Variants in KATNAL1 observed in about 807,000 individuals in gnomAD.
KATNAL1 encodes katanin catalytic subunit A1 like 1.
In KATNAL1, 32 loss-of-function variants were observed where a neutral mutation model predicts 55.2. That is an observed-to-expected ratio of 0.58 (90% CI 0.44 to 0.78). KATNAL1 has a LOEUF of 0.78. KATNAL1 is among the 30% of genes least tolerant of loss of function. KATNAL1 has a pLI of 0.00. For missense variants in KATNAL1, 466 were observed against 600.9 expected, an observed-to-expected ratio of 0.78 and a Z score of 2.35; for synonymous variants, 193 against 193.6, an observed-to-expected ratio of 1.00 and a Z score of 0.02.
intron 9 of KATNAL1, among the ~76,000 whole-genome samples, chr13:30,223,341 C>T (rs1875099474): frequency 6.9e-6 from 1 of 144,954 alleles, no homozygotes. Context: ...ACTCGGGAGG[C>T]TGAGGCAGGA....
chr13:30,294,799 A>C lies in KATNAL1; in HGVS notation c.-14-11008T>G, dbSNP rs151178280. The stretch of plus-strand genomic sequence containing the variant: ...TGGCTCTCGTGTCAGGGGCTGATTT[A>C]GCTGACGACTTGAAGTTGAAGCCAA... On this transcript the variant is annotated intron_variant, in intron 1 of 10. Transcript: ENST00000380615. 8.5e-5 allele frequency among the ~76,000 whole-genome samples: 13 copies of C among 152,326 alleles called. No homozygotes were observed. The East Asian group carries it at 2.5e-3, about 29-fold the overall frequency.
Position 30,246,935 on chromosome 13 carries a change from G to A in KATNAL1, c.493-5849C>T, listed in dbSNP as rs988842531. Among the ~76,000 whole-genome samples the A allele has an allele frequency of 3.3e-5, 5 of 152,210 alleles. No individual in the cohort carries two copies. The East Asian group carries it at 9.6e-4, about 29-fold the overall frequency. ...ATCTGTGTTAGTTCCCCACTTTCAT[G>A]TTACAATGATAACTAAAACTCATAT... On this transcript the variant is annotated intron_variant, in intron 4 of 10. Coordinates refer to ENST00000380615, the MANE Select transcript of KATNAL1 (RefSeq NM_032116.5).
At chr13:30,281,774 T>C (rs1295207939) in intron 2 of KATNAL1, 3 of 152,212 alleles carry the variant, frequency 2.0e-5, no homozygotes, top group Non-Finnish European at 4.4e-5. Flanking sequence ...AGTGTCTGCA[T>C]TGGCAGCACA....
At chr13:30,222,102 T>C (rs533972816) in intron 9 of KATNAL1, among the ~76,000 whole-genome samples, 1 of 152,152 alleles carries the variant, frequency 6.6e-6, no homozygotes, top group Admixed American at 6.5e-5. Context: ...TGTGAACATG[T>C]TTTTCAATGA....
chr13:30,271,847 A>C (rs951529464), intron 3 of KATNAL1, among the ~76,000 whole-genome samples: 5 of 150,620 alleles, frequency 3.3e-5, no homozygotes, highest in East Asian at 2.0e-4. Flanking sequence ...GAAGAGATAA[A>C]AGAAGCTGCA....
chr13:30,247,063 A>G (rs1412314179), intron 4 of KATNAL1, among the ~76,000 whole-genome samples: 3 of 152,256 alleles, frequency 2.0e-5, no homozygotes, highest in East Asian at 3.9e-4. Context: ...TATTATTTCC[A>G]TCTCATAGAT....
rs1456687624 is a variant in KATNAL1, at chr13:30,241,372, C to T, written c.493-286G>A. ...GATCCCAAAAGACTGGGAAAGCCTA[C>T]CTTTGAACTGGTAGACGCAGAGGAT... On this transcript the variant is annotated intron_variant, in intron 4 of 10. Transcript: ENST00000380615. 2.0e-5 allele frequency among the ~76,000 whole-genome samples: 3 copies of T among 152,150 alleles called. No homozygotes were observed. The East Asian group carries it at 5.8e-4, about 29-fold the overall frequency.
chr13:30,212,153 G>T (rs113907450), intron 9 of KATNAL1, among the ~76,000 whole-genome samples: 59 of 149,330 alleles, frequency 4.0e-4, no homozygotes, highest in African/African-American at 1.4e-3. Flanking sequence ...GTATTCTCAA[G>T]ACATATATTC....
rs369909052 is a variant in KATNAL1, at chr13:30,272,657, A to G, written c.323+7406T>C. The stretch of plus-strand genomic sequence containing the variant: ...CTTTTCTGTAACATTAAAAAAAAAG[A>G]CAGAAATGCCAAGTTTTTAGGCACT... On this transcript the variant is annotated intron_variant, in intron 3 of 10. Coordinates refer to ENST00000380615, the MANE Select transcript of KATNAL1 (RefSeq NM_032116.5). 3.5e-3 allele frequency among the ~76,000 whole-genome samples: 532 copies of G among 152,288 alleles called. 2 individuals carry two copies. Among genetic ancestry groups the G allele is most frequent in the Non-Finnish European group, 5.9e-3 (402 of 68,018 alleles).
intron 7 of KATNAL1, 90 bp from the exon 8 acceptor site, chr13:30,230,684 G>T: frequency 1.1e-6 from 1 of 925,774 alleles, no homozygotes; most frequent in Non-Finnish European, 1.6e-6. Flanking sequence ...TGGCAAAAGA[G>T]AGCAGAAACT....
At chr13:30,279,526 AAG>A (rs1452145404) in intron 3 of KATNAL1, among the ~76,000 whole-genome samples, 1 of 152,152 alleles carries the variant, frequency 6.6e-6, no homozygotes, top group East Asian at 1.9e-4. Flanking sequence ...AAAAGGCAAA[AAG>A]AGAGAGGTTT....
At chr13:30,281,646 T>C (rs1378799087) in intron 2 of KATNAL1, 2 of 152,158 alleles carry the variant, frequency 1.3e-5, no homozygotes, top group African/African-American at 4.8e-5. Flanking sequence ...TTCTGACTAA[T>C]GGAAAAATTA....
In KATNAL1 at chr13:30,206,508, G is replaced by A. The variant is rs1056984139; in HGVS notation, c.*2032C>T. 4 of 151,910 alleles carry A rather than the reference G, an allele frequency of 2.6e-5. No individual in the cohort carries two copies. Among genetic ancestry groups the A allele is most frequent in the Non-Finnish European group, 5.9e-5 (4 of 67,958 alleles). The allele number at this position is 151,910 out of a possible 1,614,324, so 9.4% of individuals were successfully genotyped here. A position where few individuals can be genotyped will look rare whatever the true frequency, so the allele number is the denominator to read the frequency against. Reference sequence around the variant, plus strand: ...AAATACTGCTTAACTGGTATTAAAAGAATCACAATTACTATGTCATTATCC... The same window carrying A: ...AAATACTGCTTAACTGGTATTAAAAAAATCACAATTACTATGTCATTATCC... On this transcript the variant is annotated 3_prime_UTR_variant, in exon 11 of 11. Coordinates refer to ENST00000380615, the MANE Select transcript of KATNAL1 (RefSeq NM_032116.5).
intron 1 of KATNAL1, among the ~76,000 whole-genome samples, chr13:30,301,630 T>C (rs1300313227): frequency 6.6e-6 from 1 of 152,140 alleles, no homozygotes; most frequent in Admixed American, 6.5e-5. Context: ...TGAACCCAGA[T>C]GTGTCTAACT....
At position 30,230,441 on chromosome 13, in the gene KATNAL1, T is replaced by C. The variant is rs550412050; in HGVS notation, c.1012+27A>G. 109 of 1,595,802 alleles carry C rather than the reference T, an allele frequency of 6.8e-5. No individual in the cohort carries two copies. The South Asian group carries it at 1.0e-3, about 15-fold the overall frequency. On this transcript the variant is annotated intron_variant, in intron 8 of 10. Transcript: ENST00000380615. ...CACAAAATATTTAAAAATGAGAGTTTTGAAACAATAATTAAATATCAATTA... is the reference window on the plus strand; with the variant it reads ...CACAAAATATTTAAAAATGAGAGTTCTGAAACAATAATTAAATATCAATTA...
intron 1 of KATNAL1, among the ~76,000 whole-genome samples, chr13:30,298,505 A>C (rs941154161): frequency 5.3e-5 from 8 of 152,240 alleles, no homozygotes; most frequent in East Asian, 1.9e-4. Context: ...TACATCTAAA[A>C]TTACAAGATA....
chr13:30,250,751 T>A (rs1254823468), intron 4 of KATNAL1, among the ~76,000 whole-genome samples: 1 of 152,268 alleles, frequency 6.6e-6, no homozygotes, highest in Non-Finnish European at 1.5e-5. Context: ...CATACTTTAA[T>A]CTGAATTCTA....
intron 10 of KATNAL1, among the ~76,000 whole-genome samples, chr13:30,209,632 G>A (rs541619622): frequency 2.6e-5 from 4 of 152,298 alleles, no homozygotes; most frequent in Admixed American, 1.3e-4. Context: ...CCCAGCTTAC[G>A]CTGATCATTT....
At chr13:30,241,937 C>T (rs759244127) in intron 4 of KATNAL1, among the ~76,000 whole-genome samples, 6 of 152,096 alleles carry the variant, frequency 3.9e-5, no homozygotes, top group East Asian at 3.8e-4. Flanking sequence ...GGCAGTATGG[C>T]GGTAGCATTA....
Sources: allele counts gnomAD v4.1 joint callset (sites outside exome capture counted in the v4.1 genomes callset), GRCh38; gene constraint gnomAD v4.1.1; transcripts MANE v1.5; gene names NCBI Gene and HGNC (gene_info 2026-07-23, HGNC 2026-07-21).